TXNDC16: variants seen among roughly 807,000 people sequenced by gnomAD.
The protein encoded by TXNDC16 is thioredoxin domain containing 16.
A neutral mutation model predicts 85.6 loss-of-function variants in TXNDC16; 74 were observed. The observed-to-expected ratio is 0.86, with a 90% CI of 0.72 to 1.05. The LOEUF (loss-of-function observed/expected upper bound fraction) is 1.05, where lower values mean the gene tolerates loss of function less well. Among genes scored for constraint, TXNDC16 ranks in the 50% least tolerant of loss-of-function variants. The pLI is 0.00. For missense variants in TXNDC16, 959 were observed against 947.0 expected (o/e 1.01, Z -0.17); for synonymous variants, 335 against 326.5 (o/e 1.03, Z -0.28).
intron 4 of TXNDC16, among the ~76,000 whole-genome samples, chr14:52,540,663 T>C (rs140578205): frequency 6.4e-4 from 98 of 152,240 alleles, no homozygotes; most frequent in African/African-American, 2.3e-3. Flanking sequence ...GCACTTTATT[T>C]GTATCTCTCC....
At chr14:52,508,381 A>C (rs2036867177) in intron 9 of TXNDC16, among the ~76,000 whole-genome samples, 1 of 152,244 alleles carries the variant, frequency 6.6e-6, no homozygotes, top group African/African-American at 2.4e-5. Flanking sequence ...GTCTCACATC[A>C]GTTAGAATGG....
chr14:52,452,116 T>C (rs2035425842), intron 18 of TXNDC16, among the ~76,000 whole-genome samples: 1 of 152,172 alleles, frequency 6.6e-6, no homozygotes, highest in Middle Eastern at 3.4e-3. Context: ...TACCCAGGAA[T>C]TAACTAAAGA....
chr14:52,469,929 C>A (rs932565249), intron 16 of TXNDC16, 108 bp downstream of exon 16: 1 of 1,090,514 alleles, frequency 9.2e-7, no homozygotes, highest in African/African-American at 1.7e-5. Flanking sequence ...CTTCAAACTT[C>A]TCCATAATTT....
intron 16 of TXNDC16, among the ~76,000 whole-genome samples, chr14:52,459,067 C>T (rs2035596748): frequency 6.6e-6 from 1 of 152,062 alleles, no homozygotes; most frequent in Non-Finnish European, 1.5e-5. Flanking sequence ...AGAAAGTACT[C>T]AATTATCTGA....
chr14:52,541,475 T>C (rs1241240504), intron 4 of TXNDC16, among the ~76,000 whole-genome samples: 4 of 152,116 alleles, frequency 2.6e-5, no homozygotes, highest in Admixed American at 2.6e-4. Flanking sequence ...CATTCTAGAG[T>C]GAAATCAGTT....
intron 9 of TXNDC16, among the ~76,000 whole-genome samples, chr14:52,500,483 C>G (rs753875216): frequency 2.6e-4 from 40 of 152,258 alleles, no homozygotes; most frequent in Admixed American, 4.6e-4. Context: ...GTTGTGTGTT[C>G]AATGAGTATA....
chr14:52,532,839 C>A (rs1375144467), intron 6 of TXNDC16, among the ~76,000 whole-genome samples: 1 of 151,910 alleles, frequency 6.6e-6, no homozygotes, highest in East Asian at 1.9e-4. Context: ...GTTTTAGCAT[C>A]CAAAAGTAAG....
intron 4 of TXNDC16, among the ~76,000 whole-genome samples, chr14:52,539,358 CTG>C (rs1360081224): frequency 3.3e-5 from 5 of 152,140 alleles, no homozygotes; most frequent in Non-Finnish European, 5.9e-5. Context: ...TGCAAAGGCC[CTG>C]TGGTTAACAG....
At chr14:52,502,395 A>AGGTGCCATGT (rs1482636038) in intron 9 of TXNDC16, among the ~76,000 whole-genome samples, 4 of 150,734 alleles carry the variant, frequency 2.7e-5, no homozygotes, top group Non-Finnish European at 5.9e-5. Context: ...TGCATGGCAC[A>AGGTGCCATGT]ACTCTACAAA....
chr14:52,507,268 G>C (rs1447557815), intron 9 of TXNDC16, among the ~76,000 whole-genome samples: 1 of 151,926 alleles, frequency 6.6e-6, no homozygotes, highest in Non-Finnish European at 1.5e-5. Flanking sequence ...TATACACCAA[G>C]GACAGACAAA....
intron 9 of TXNDC16, among the ~76,000 whole-genome samples, chr14:52,504,362 A>G (rs545407783): frequency 6.6e-6 from 1 of 152,382 alleles, no homozygotes; most frequent in East Asian, 1.9e-4. Flanking sequence ...TCAGACTAAC[A>G]GCTGATCTCT....
At chr14:52,445,089 G>A (rs941441467) in intron 18 of TXNDC16, among the ~76,000 whole-genome samples, 2 of 152,100 alleles carry the variant, frequency 1.3e-5, no homozygotes, top group Non-Finnish European at 2.9e-5. Flanking sequence ...ATTTCCTAAC[G>A]TAAACTTGGG....
intron 1 of TXNDC16, among the ~76,000 whole-genome samples, chr14:52,546,661 A>C (rs1048962711): frequency 1.3e-5 from 2 of 152,210 alleles, no homozygotes; most frequent in African/African-American, 4.8e-5. Context: ...ACTCCCAGCT[A>C]ATGTGTAATA....
chr14:52,439,095 C>A, intron 20 of TXNDC16, 109 bp downstream of exon 20: 2 of 1,167,620 alleles, frequency 1.7e-6, no homozygotes, highest in Admixed American at 2.4e-5. Context: ...ATGGATGATG[C>A]TACCAGCATT....
At chr14:52,465,535 T>A (rs1192429684) in intron 16 of TXNDC16, among the ~76,000 whole-genome samples, 2 of 143,024 alleles carry the variant, frequency 1.4e-5, no homozygotes, top group Non-Finnish European at 3.0e-5. Flanking sequence ...GAGCTTGCAG[T>A]GAGCCGAGAT....
chr14:52,450,406 C>T (rs2035379481), intron 18 of TXNDC16, among the ~76,000 whole-genome samples: 1 of 149,096 alleles, frequency 6.7e-6, no homozygotes, highest in Non-Finnish European at 1.5e-5. Context: ...CCTAAATGGA[C>T]CAATAACAAA....
intron 9 of TXNDC16, among the ~76,000 whole-genome samples, chr14:52,499,201 C>A (rs2036600325): frequency 6.6e-6 from 1 of 151,972 alleles, no homozygotes; most frequent in African/African-American, 2.4e-5. Flanking sequence ...AAACATAAGA[C>A]CTGAAAGTAA....
intron 7 of TXNDC16, among the ~76,000 whole-genome samples, chr14:52,518,714 A>G (rs1023890117): frequency 1.3e-5 from 2 of 152,144 alleles, no homozygotes; most frequent in South Asian, 4.1e-4. Context: ...ACTGGAAACT[A>G]CTATACCAGG....
chr14:52,456,689 G>C (rs774524268), intron 17 of TXNDC16, among the ~76,000 whole-genome samples: 33 of 152,052 alleles, frequency 2.2e-4, no homozygotes, highest in African/African-American at 2.7e-4. Flanking sequence ...GGTAATTTAA[G>C]AAGCTAAAAA....
Sources: allele counts gnomAD v4.1 joint callset (sites outside exome capture counted in the v4.1 genomes callset), GRCh38; gene constraint gnomAD v4.1.1; transcripts MANE v1.5; gene names NCBI Gene and HGNC (gene_info 2026-07-23, HGNC 2026-07-21).